ANTXR2: variants seen among roughly 807,000 people sequenced by gnomAD.
The protein encoded by ANTXR2 is ANTXR cell adhesion molecule 2.
ANTXR2 carries 44 observed loss-of-function variants against 73.7 expected under a neutral mutation model. That is an observed-to-expected ratio of 0.60 (90% CI 0.47 to 0.77). ANTXR2 has a LOEUF of 0.77. ANTXR2 is among the 30% of genes least tolerant of loss of function. ANTXR2 has a pLI of 0.00. For synonymous variants in ANTXR2, 217 were observed against 205.9 expected (o/e 1.05, Z -0.46); for missense variants, 604 against 592.5 (o/e 1.02, Z -0.20).
At chr4:79,916,427 C>T (rs1243431576) in intron 16 of ANTXR2, among the ~76,000 whole-genome samples, 5 of 151,934 alleles carry the variant, frequency 3.3e-5, no homozygotes, top group Non-Finnish European at 7.4e-5. Flanking sequence ...ATTCTATATA[C>T]CTTTTTAGTT....
chr4:80,069,024 G>C lies in ANTXR2; in HGVS notation c.296+412C>G, dbSNP rs185634243. ...ATTAATGGACCTCAGAGAAAGACCA[G>C]AAATCCAGGATGTCTACTGAATCTA... On this transcript the variant is annotated intron_variant, in intron 3 of 16. Transcript: ENST00000403729. Among the ~76,000 whole-genome samples the C allele has an allele frequency of 1.6e-3, 240 of 152,234 alleles. 1 individual carries two copies. In the Middle Eastern group the frequency reaches 0.02, roughly 13 times the overall value.
Position 79,978,024 on chromosome 4 carries a change from AT to A in ANTXR2, c.1329del (p.Lys443AsnfsTer17). The stretch of plus-strand genomic sequence containing the variant: ...ACACATACCTTAATTGGGGTGTACC[AT>A]TTTGTCTGAGGAGGCTGGTGTGTGG... ...PKPTHQPPQT[K>X]WYTPIKGRLD... On this transcript the variant is annotated frameshift_variant, in exon 15 of 17. Coordinates refer to ENST00000403729, the MANE Select transcript of ANTXR2 (RefSeq NM_058172.6). LOFTEE classifies it high-confidence loss of function. 1 of 1,601,348 alleles carries A rather than the reference AT, an allele frequency of 6.2e-7. No individual in the cohort carries two copies. Among genetic ancestry groups the A allele is most frequent in the Non-Finnish European group, 8.5e-7 (1 of 1,175,886 alleles).
intron 12 of ANTXR2, among the ~76,000 whole-genome samples, chr4:79,990,289 GA>G (rs1730400685): frequency 7.4e-6 from 1 of 135,618 alleles, no homozygotes; most frequent in Admixed American, 8.6e-5. Flanking sequence ...TAACCTTTCA[GA>G]ATACAAACCA....
At chr4:80,070,615 A>G (rs1397964148) in intron 2 of ANTXR2, among the ~76,000 whole-genome samples, 1 of 152,246 alleles carries the variant, frequency 6.6e-6, no homozygotes, top group Non-Finnish European at 1.5e-5. Context: ...ATGATTGAAC[A>G]TGGACAGGCA....
intron 16 of ANTXR2, among the ~76,000 whole-genome samples, chr4:79,917,469 A>C (rs1727400109): frequency 6.6e-6 from 1 of 152,164 alleles, no homozygotes; most frequent in African/African-American, 2.4e-5. Context: ...CTGCAGGCAG[A>C]AAATCAGTTT....
intron 7 of ANTXR2, among the ~76,000 whole-genome samples, chr4:80,037,195 C>T (rs1030596288): frequency 2.0e-5 from 3 of 152,294 alleles, no homozygotes; most frequent in African/African-American, 7.2e-5. Context: ...CTTGACATTC[C>T]TTTCTTGGCA....
intron 3 of ANTXR2, among the ~76,000 whole-genome samples, chr4:80,067,919 C>T (rs1389655035): frequency 6.6e-6 from 1 of 152,144 alleles, no homozygotes; most frequent in Non-Finnish European, 1.5e-5. Context: ...CAGCAAACTA[C>T]CACGGCACAC....
In ANTXR2 at chr4:79,933,527, T is replaced by TTTTTG. The variant is rs567318043; in HGVS notation, c.1429-26065_1429-26061dup. On this transcript the variant is annotated intron_variant, in intron 16 of 16. Coordinates refer to ENST00000403729, the MANE Select transcript of ANTXR2 (RefSeq NM_058172.6). The stretch of plus-strand genomic sequence containing the variant: ...TGTTGGAAGAAAGATATTGGTTTGG[T>TTTTTG]TTTTGTTTTGTTTTGTTTTATTTTA... 3.9e-3 allele frequency among the ~76,000 whole-genome samples: 593 copies of TTTTTG among 152,160 alleles called. 4 individuals carry two copies. The highest frequency in any genetic ancestry group is 0.014 in the African/African-American group (566 of 41,514).
chr4:80,010,946 G>A (rs1388721644), intron 11 of ANTXR2, among the ~76,000 whole-genome samples: 2 of 151,982 alleles, frequency 1.3e-5, no homozygotes, highest in African/African-American at 4.8e-5. Context: ...AGGAGATCGA[G>A]ACCATCCTGG....
intron 16 of ANTXR2, among the ~76,000 whole-genome samples, chr4:79,958,817 CT>C (rs1729033488): frequency 6.6e-6 from 1 of 152,114 alleles, no homozygotes; most frequent in South Asian, 2.1e-4. Context: ...AAATTCTCTT[CT>C]CACTGTTTGT....
intron 11 of ANTXR2, among the ~76,000 whole-genome samples, chr4:80,016,191 A>G (rs1731862293): frequency 6.6e-6 from 1 of 152,174 alleles, no homozygotes; most frequent in African/African-American, 2.4e-5. Context: ...TGGGAATCAC[A>G]GCCTGTAGGA....
Position 79,984,826 on chromosome 4 carries a change from G to A in ANTXR2, c.1079C>T (p.Pro360Leu). 6.2e-7 allele frequency: 1 copy of A among 1,608,262 alleles called. No homozygotes were observed. The highest frequency in any genetic ancestry group is 1.1e-5 in the South Asian group (1 of 89,894). Residue 360 changes from proline (P) to leucine (L), a missense_variant, in exon 13 of 17, where the codon CCA becomes CTA. Pro to Leu is a moderately conservative substitution (Grantham distance 98). Transcript: ENST00000403729. ...TTTTAGGCACTCACTTACCTCTTTT[G>A]GTGCAGGGGCGGGTGGTGGTGGAGG... Reference protein sequence around the residue: ...KDPPPPPAPAPKEEEEEPLPT... With the variant: ...KDPPPPPAPALKEEEEEPLPT...
intron 7 of ANTXR2, among the ~76,000 whole-genome samples, chr4:80,041,118 T>TA (rs1733225225): frequency 6.6e-6 from 1 of 152,084 alleles, no homozygotes; most frequent in African/African-American, 2.4e-5. Context: ...CAAATATTTT[T>TA]ATCCATGTTT....
At position 79,976,035 on chromosome 4, in the gene ANTXR2, C is replaced by T. The variant is rs536071562; in HGVS notation, c.1428+1586G>A. Among the ~76,000 whole-genome samples, 4 of 151,810 alleles carry T rather than the reference C, an allele frequency of 2.6e-5. No individual in the cohort carries two copies. In the South Asian group the frequency reaches 8.3e-4, roughly 32 times the overall value. On this transcript the variant is annotated intron_variant, in intron 16 of 16. Coordinates refer to ENST00000403729, the MANE Select transcript of ANTXR2 (RefSeq NM_058172.6). ...TCACGCCATTCTCCTGCCTCAGCCT[C>T]GCGAGTAGCTGGGACTACAGGCGCC...
At chr4:79,930,768 C>A (rs1294873019) in intron 16 of ANTXR2, among the ~76,000 whole-genome samples, 1 of 152,116 alleles carries the variant, frequency 6.6e-6, no homozygotes, top group Non-Finnish European at 1.5e-5. Flanking sequence ...AGTATGGAAA[C>A]CAGATAATCA....
intron 16 of ANTXR2, among the ~76,000 whole-genome samples, chr4:79,921,900 A>G (rs1255657781): frequency 1.3e-5 from 2 of 152,040 alleles, no homozygotes; most frequent in African/African-American, 2.4e-5. Flanking sequence ...TATTTGAGAA[A>G]AACAATTTTA....
rs536583388 is a variant in ANTXR2 at position 80,050,913 on chromosome 4, G to A, written c.636+3359C>T. Among the ~76,000 whole-genome samples the A allele has an allele frequency of 2.2e-4, 33 of 151,476 alleles. No homozygotes were observed. In the Middle Eastern group the frequency reaches 0.017, roughly 79 times the overall value. ...TCCTACTTATTTATGAAATATGAGC[G>A]CATTCTCAAAACAAGTATGTGAAAG... On this transcript the variant is annotated intron_variant, in intron 7 of 16. Coordinates refer to ENST00000403729, the MANE Select transcript of ANTXR2 (RefSeq NM_058172.6).
rs797045029 is a variant in ANTXR2 at position 80,069,491 on chromosome 4, A to G, written c.241T>C (p.Ser81Pro). 6.2e-7 allele frequency: 1 copy of G among 1,603,452 alleles called. No homozygotes were observed. The highest frequency in any genetic ancestry group is 8.5e-7 in the Non-Finnish European group (1 of 1,173,634). The change falls in exon 3 of 17, where the codon TCT becomes CCT. Residue 81 changes from serine (S) to proline (P), a missense_variant. By Grantham distance (74) the Ser-to-Pro change is moderately conservative. Transcript: ENST00000403729. The part of the protein sequence containing the change: ...ERFVSPEMRL[S>P]FIVFSSQATI... Reference sequence around the variant, plus strand: ...GCTTGAGAAGAAAACACAATGAAAGATAATCTCATTTCAGGGCTGCAAAAT... The same window carrying G: ...GCTTGAGAAGAAAACACAATGAAAGGTAATCTCATTTCAGGGCTGCAAAAT...
intron 16 of ANTXR2, among the ~76,000 whole-genome samples, chr4:79,944,591 A>G (rs74352221): frequency 6.6e-6 from 1 of 151,980 alleles, no homozygotes; most frequent in Non-Finnish European, 1.5e-5. Flanking sequence ...AGCATTCACA[A>G]TAAAAAAAAA....
Sources: gnomAD v4.1 joint callset for allele counts (sites outside exome capture counted in the v4.1 genomes callset) on GRCh38, gnomAD v4.1.1 for gene constraint, MANE v1.5 for transcripts, NCBI Gene and HGNC (gene_info 2026-07-23, HGNC 2026-07-21) for gene names.